VPS13A: variants seen among roughly 807,000 people sequenced by gnomAD.
The protein encoded by VPS13A is intermembrane lipid transfer protein VPS13A.
VPS13A carries 264 observed loss-of-function variants against 390.9 expected under a neutral mutation model. The ratio of observed to expected loss-of-function variants is 0.68; its 90% CI spans 0.61 to 0.75. The LOEUF (loss-of-function observed/expected upper bound fraction) is 0.75. VPS13A is among the 30% of genes least tolerant of loss of function. VPS13A has a pLI of 0.00. For synonymous variants in VPS13A, 1,231 were observed against 1,227.1 expected (o/e 1.00, Z -0.07); for missense variants, 3,409 against 3,733.9 (o/e 0.91, Z 2.27).
At chr9:77,386,404 C>A (rs1477813214) in intron 68 of VPS13A, among the ~76,000 whole-genome samples, 1 of 152,150 alleles carries the variant, frequency 6.6e-6, no homozygotes. Flanking sequence ...CAAGACATTT[C>A]CCAAATTTAC....
At chr9:77,219,197 G>A (rs1823038967) in intron 10 of VPS13A, among the ~76,000 whole-genome samples, 1 of 151,774 alleles carries the variant, frequency 6.6e-6, no homozygotes, top group Non-Finnish European at 1.5e-5. Flanking sequence ...AAATACAGAA[G>A]AAAGAACAAG....
intron 68 of VPS13A, among the ~76,000 whole-genome samples, chr9:77,397,782 A>AC (rs560701368): frequency 1.3e-5 from 2 of 152,342 alleles, no homozygotes; most frequent in South Asian, 2.1e-4. Context: ...TATTTTAATT[A>AC]TTACCTATAG....
chr9:77,333,997 A>G (rs1221989756), intron 46 of VPS13A, among the ~76,000 whole-genome samples: 1 of 152,212 alleles, frequency 6.6e-6, no homozygotes, highest in Non-Finnish European at 1.5e-5. Context: ...AGTTATAGAA[A>G]GTGTTAGAGT....
chr9:77,333,426 A>ATTTTTTTTTTTTT (rs34369162), intron 46 of VPS13A, among the ~76,000 whole-genome samples: 1 of 107,668 alleles, frequency 9.3e-6, no homozygotes, highest in Non-Finnish European at 1.8e-5. Context: ...CTCATTAGGC[A>ATTTTTTTTTTTTT]TTTTTTTTTT....
chr9:77,194,362 G>C (rs968912288), intron 1 of VPS13A, among the ~76,000 whole-genome samples: 1 of 93,430 alleles, frequency 1.1e-5, no homozygotes, highest in Non-Finnish European at 2.4e-5. Flanking sequence ...GATGGGGGTT[G>C]GGGGGGGCGC....
At chr9:77,282,400 T>A in intron 29 of VPS13A, 126 bp downstream of exon 29, 1 of 852,070 alleles carries the variant, frequency 1.2e-6, no homozygotes, top group Non-Finnish European at 1.8e-6. Context: ...TAGGTTAATA[T>A]CTAGAAGGAT....
rs746232397 is a variant in VPS13A at position 77,221,192 on chromosome 9, T to TAA, written c.998_999insAA (p.Tyr333Ter). The TAA allele has an allele frequency of 6.2e-7, 1 of 1,613,374 alleles. No homozygotes were observed. Reference protein sequence around the residue: ...LHHHAREWWAYAIHGVLEVNV... With the variant: ...LHHHAREWWA ...TTTTCTTTTTTTAACTAGGTGGGCTTATGCTATACATGGCGTTCTTGAAGT... is the reference window on the plus strand; with the variant it reads ...TTTTCTTTTTTTAACTAGGTGGGCTTAAATGCTATACATGGCGTTCTTGAAGT... The change falls in exon 13 of 72, where the codon TAT becomes TAAAT. Residue 333 changes from tyrosine (Y) to a stop codon, truncating the protein, a stop_gained and frameshift_variant. Coordinates refer to ENST00000360280, the MANE Select transcript of VPS13A (RefSeq NM_033305.3). LOFTEE classifies it high-confidence loss of function.
intron 68 of VPS13A, among the ~76,000 whole-genome samples, chr9:77,387,261 A>AT (rs1833726854): frequency 1.3e-5 from 2 of 152,178 alleles, no homozygotes; most frequent in South Asian, 4.1e-4. Flanking sequence ...TTATATTTGG[A>AT]TTTTAATAAG....
chr9:77,366,586 C>T, intron 60 of VPS13A, 141 bp from the exon 61 acceptor site: 3 of 694,958 alleles, frequency 4.3e-6, no homozygotes, highest in Non-Finnish European at 7.0e-6. Flanking sequence ...CATATTTCTA[C>T]TTAGTGATTT....
In VPS13A at chr9:77,316,353, C is replaced by G; in HGVS notation, c.4810C>G (p.Gln1604Glu). 6.2e-7 allele frequency: 1 copy of G among 1,613,054 alleles called. No homozygotes were observed. The highest frequency in any genetic ancestry group is 1.7e-4 in the Middle Eastern group (1 of 6,054). Reference protein sequence around the residue: ...STMTAAIKDLQVRACPFLPVK... With the variant: ...STMTAAIKDLEVRACPFLPVK... ...AATGACTGCTGCCATTAAAGATCTC[C>G]AAGTGAGAGCCTGCCCGTTTCTTCC... The change falls in exon 39 of 72, where the codon CAA (glutamine) becomes GAA (glutamate). Residue 1604 changes from glutamine to glutamate, a missense_variant. Physicochemically the swap from Gln to Glu is conservative, Grantham distance 29 (BLOSUM62 2). Coordinates refer to ENST00000360280, the MANE Select transcript of VPS13A (RefSeq NM_033305.3).
At chr9:77,412,512 C>G (rs983561895) in intron 71 of VPS13A, among the ~76,000 whole-genome samples, 1 of 152,130 alleles carries the variant, frequency 6.6e-6, no homozygotes, top group Non-Finnish European at 1.5e-5. Context: ...TATCGCAATA[C>G]ATGCAGAAAA....
intron 1 of VPS13A, among the ~76,000 whole-genome samples, chr9:77,194,131 C>T (rs1054036756): frequency 6.6e-6 from 1 of 151,964 alleles, no homozygotes; most frequent in Non-Finnish European, 1.5e-5. Context: ...GAAAAGCCGT[C>T]GGGGGAGGCT....
In VPS13A at chr9:77,302,917, C is replaced by T. The variant is rs2131394328; in HGVS notation, c.3815C>T (p.Ser1272Phe). ...IKLSEMRLYR[S>F]RFINDAYQEV... ...AAGAATGTTATCTCTACTTATAGAT[C>T]TCGATTTATTAATGATGCATACCAG... is the stretch of plus-strand genomic sequence containing the variant. The change falls in exon 34 of 72, where the codon TCT (serine) becomes TTT (phenylalanine). Residue 1272 changes from serine (S) to phenylalanine (F), a missense_variant and splice_region_variant. This residue lies in a region of VPS13A where 2,717 missense variants were observed against 2,917.4 expected (regional missense o/e 0.93). Coordinates refer to ENST00000360280, the MANE Select transcript of VPS13A (RefSeq NM_033305.3). 1 of 1,612,798 alleles carries T rather than the reference C, an allele frequency of 6.2e-7. No individual in the cohort carries two copies. Among genetic ancestry groups the T allele is most frequent in the East Asian group, 2.2e-5 (1 of 44,790 alleles).
chr9:77,192,204 T>A (rs1221649420), intron 1 of VPS13A, among the ~76,000 whole-genome samples: 1 of 152,198 alleles, frequency 6.6e-6, no homozygotes, highest in Admixed American at 6.5e-5. Flanking sequence ...TAGATCTTTC[T>A]CCATTCCTTT....
rs1396479624 is a variant in VPS13A at position 77,201,415 on chromosome 9, A to G, written c.187+8A>G. 37 of 1,607,982 alleles carry G rather than the reference A, an allele frequency of 2.3e-5. No individual in the cohort carries two copies. Among genetic ancestry groups the G allele is most frequent in the Non-Finnish European group, 3.0e-5 (35 of 1,174,818 alleles). On this transcript the variant is annotated splice_region_variant and intron_variant, in intron 3 of 71. Coordinates refer to ENST00000360280, the MANE Select transcript of VPS13A (RefSeq NM_033305.3). ...TTAAAGTTGGTCACATAGGTAAGCC[A>G]TATTCATTATTGGGATATCCTCCTT...
intron 45 of VPS13A, among the ~76,000 whole-genome samples, chr9:77,327,829 T>C (rs1331420691): frequency 2.0e-5 from 3 of 152,150 alleles, no homozygotes; most frequent in Non-Finnish European, 2.9e-5. Context: ...ACTTGCTCCA[T>C]TGAAGTCCTG....
intron 52 of VPS13A, chr9:77,351,004 G>T: frequency 3.1e-6 from 1 of 320,356 alleles, no homozygotes; most frequent in East Asian, 8.4e-5. Context: ...CTTAGAATTG[G>T]TATAAATAGG....
chr9:77,388,154 A>G (rs913964774), intron 68 of VPS13A, among the ~76,000 whole-genome samples: 1 of 152,038 alleles, frequency 6.6e-6, no homozygotes, highest in Non-Finnish European at 1.5e-5. Flanking sequence ...CTCAAATAAT[A>G]ATGATGATGG....
At chr9:77,379,311 G>C (rs1275314504) in intron 67 of VPS13A, among the ~76,000 whole-genome samples, 1 of 150,624 alleles carries the variant, frequency 6.6e-6, no homozygotes, top group Non-Finnish European at 1.5e-5. Context: ...CGCTATCTCA[G>C]CTCACCGCAA....
Sources: allele counts gnomAD v4.1 joint callset (sites outside exome capture counted in the v4.1 genomes callset), GRCh38; gene constraint gnomAD v4.1.1; regional missense constraint gnomAD v4.1.1; transcripts MANE v1.5; gene names NCBI Gene and HGNC (gene_info 2026-07-23, HGNC 2026-07-21).